Variants in WDR43 observed in about 807,000 individuals in gnomAD.
WDR43 encodes the protein WD repeat-containing protein 43.
A neutral mutation model predicts 91.4 loss-of-function variants in WDR43; 13 were observed. That is an observed-to-expected ratio of 0.14 (90% CI 0.09 to 0.23). The LOEUF (loss-of-function observed/expected upper bound fraction) is 0.23. Ranked by LOEUF, WDR43 falls within the 10% of genes least tolerant of loss-of-function variation. The pLI is 1.00. For synonymous variants in WDR43, 331 were observed against 287.9 expected (o/e 1.15, Z -1.51); for missense variants, 780 against 809.4 (o/e 0.96, Z 0.44).
rs530299453 is a variant in WDR43, at chr2:28,929,512, T to A, written c.1306-67T>A. On this transcript the variant is annotated intron_variant, in intron 10 of 17. Coordinates refer to ENST00000407426, the MANE Select transcript of WDR43 (RefSeq NM_015131.3). Reference sequence around the variant, plus strand: ...TCTATTTTATTTTATTTTATTTTATTTTTTTTGTCTCCAAACTACTTTAAG... The same window carrying A: ...TCTATTTTATTTTATTTTATTTTATATTTTTTGTCTCCAAACTACTTTAAG... The A allele has an allele frequency of 1.7e-5, 22 of 1,323,276 alleles. No individual in the cohort carries two copies. The Admixed American group carries it at 4.3e-4, about 26-fold the overall frequency. The allele number at this position is 1,323,276 out of a possible 1,614,324, so 82.0% of individuals were successfully genotyped here.
Position 28,920,224 on chromosome 2 carries a change from CT to C in WDR43, c.849+2248del, listed in dbSNP as rs751048652. Among the ~76,000 whole-genome samples the C allele has an allele frequency of 2.1e-3, 226 of 108,048 alleles. 1 individual carries two copies. The highest frequency in any genetic ancestry group is 2.7e-3 in the Non-Finnish European group (152 of 56,496). The allele number at this position is 108,048 out of a possible 152,430, so 70.9% of individuals were successfully genotyped here. A position where few individuals can be genotyped will look rare whatever the true frequency, so the allele number is the denominator to read the frequency against. On this transcript the variant is annotated intron_variant, in intron 6 of 17. Transcript: ENST00000407426. ...AAATAAAAATAAATTTTTTTTCTTT[CT>C]TTTTTTTTTTTTTTTTTTGAGACAG...
At chr2:28,933,854 A>ATG (rs1409961546) in intron 11 of WDR43, among the ~76,000 whole-genome samples, 2 of 152,218 alleles carry the variant, frequency 1.3e-5, no homozygotes, top group Non-Finnish European at 2.9e-5. Flanking sequence ...GTTGGTGAGG[A>ATG]TGTAGAGCAG....
intron 7 of WDR43, among the ~76,000 whole-genome samples, chr2:28,923,742 A>C (rs1034071836): frequency 2.0e-5 from 3 of 152,080 alleles, no homozygotes; most frequent in Non-Finnish European, 4.4e-5. Context: ...AACTGTTAAC[A>C]TTTTAGTGTG....
At chr2:28,900,836 A>G (rs36096924) in intron 1 of WDR43, among the ~76,000 whole-genome samples, 23,289 of 152,062 alleles carry the variant, frequency 0.15, 2,184 homozygotes, top group Middle Eastern at 0.26. Flanking sequence ...TTTTTTCTGT[A>G]AGTAGGTTAC....
At chr2:28,942,271 G>A in intron 15 of WDR43, 41 bp from the exon 16 acceptor site, 8 of 1,595,986 alleles carry the variant, frequency 5.0e-6, no homozygotes, top group African/African-American at 1.3e-5. Context: ...CTTGGGATAT[G>A]TTTACACTCT....
Position 28,906,488 on chromosome 2 carries a change from G to C in WDR43, c.392G>C (p.Cys131Ser), listed in dbSNP as rs1434901795. The C allele has an allele frequency of 1.9e-6, 3 of 1,579,602 alleles. No individual in the cohort carries two copies. The highest frequency in any genetic ancestry group is 2.6e-6 in the Non-Finnish European group (3 of 1,162,962). The change falls in exon 3 of 18, where the codon TGC becomes TCC. Residue 131 changes from cysteine to serine, a missense_variant. This residue lies in a region of WDR43 where 174 missense variants were observed against 207.3 expected (regional missense o/e 0.84). Coordinates refer to ENST00000407426, the MANE Select transcript of WDR43 (RefSeq NM_015131.3). ...GGTGGACATGACAACAGAGTCAACT[G>C]CATACAGTGGCATCAAGACAGTGGC... ...ISGGHDNRVN[C>S]IQWHQDSGCL... is the part of the protein sequence containing the mutation.
chr2:28,922,794 T>TGG, intron 6 of WDR43, 125 bp from the exon 7 acceptor site: 1 of 550,990 alleles, frequency 1.8e-6, no homozygotes, highest in Non-Finnish European at 2.8e-6. Context: ...GGATTCTTGC[T>TGG]GTGTTTTTTT....
At chr2:28,912,253 A>G (rs1440027901) in intron 3 of WDR43, among the ~76,000 whole-genome samples, 1 of 152,162 alleles carries the variant, frequency 6.6e-6, no homozygotes, top group Non-Finnish European at 1.5e-5. Flanking sequence ...TTTCCTGGAC[A>G]TTCGCAAAGT....
chr2:28,945,241 A>T (rs1253135026), intron 16 of WDR43, among the ~76,000 whole-genome samples: 1 of 152,232 alleles, frequency 6.6e-6, no homozygotes, highest in Non-Finnish European at 1.5e-5. Context: ...ATCTTAAAAA[A>T]ATAGGAATCC....
At chr2:28,919,796 GA>G (rs1262255618) in intron 6 of WDR43, among the ~76,000 whole-genome samples, 1 of 152,184 alleles carries the variant, frequency 6.6e-6, no homozygotes, top group African/African-American at 2.4e-5. Context: ...TGATCGTAGG[GA>G]ACTGATGAGA....
intron 7 of WDR43, 34 bp from the exon 8 acceptor site, chr2:28,924,948 A>G (rs779949865): frequency 6.9e-6 from 11 of 1,583,274 alleles, no homozygotes; most frequent in Admixed American, 5.6e-5. Context: ...CGTTTTTTCA[A>G]ATTCTTTAAT....
At chr2:28,945,489 T>C (rs1243554593) in intron 16 of WDR43, among the ~76,000 whole-genome samples, 3 of 152,242 alleles carry the variant, frequency 2.0e-5, no homozygotes, top group Non-Finnish European at 4.4e-5. Flanking sequence ...GTGAAGAGAC[T>C]GGGAAGTGTA....
chr2:28,895,447 G>C (rs2148174526), intron 1 of WDR43: 1 of 152,932 alleles, frequency 6.5e-6, no homozygotes, highest in Non-Finnish European at 1.5e-5. Context: ...CGTCCAGGTT[G>C]TGGGACTCTC....
chr2:28,943,134 ATCTTT>A (rs1216692216), intron 16 of WDR43, among the ~76,000 whole-genome samples: 7 of 152,136 alleles, frequency 4.6e-5, no homozygotes, highest in Admixed American at 6.5e-5. Flanking sequence ...CAAAGAACAA[ATCTTT>A]TCTTTTCTTT....
chr2:28,932,594 C>T (rs1189988131), intron 11 of WDR43, among the ~76,000 whole-genome samples: 1 of 152,106 alleles, frequency 6.6e-6, no homozygotes, highest in African/African-American at 2.4e-5. Flanking sequence ...AAAACGTTTT[C>T]CCCCTTCCCA....
chr2:28,923,710 A>T (rs1467860582), intron 7 of WDR43, among the ~76,000 whole-genome samples: 1 of 152,130 alleles, frequency 6.6e-6, no homozygotes. Context: ...GTCTCCCTCC[A>T]TTGAGTTCTG....
intron 4 of WDR43, chr2:28,913,677 G>T (rs757120884): frequency 5.7e-6 from 3 of 522,362 alleles, no homozygotes; most frequent in South Asian, 2.8e-5. Flanking sequence ...CTGTGATGAT[G>T]CCTTAATATT....
At chr2:28,924,029 A>G (rs1389689138) in intron 7 of WDR43, among the ~76,000 whole-genome samples, 2 of 152,172 alleles carry the variant, frequency 1.3e-5, no homozygotes, top group Non-Finnish European at 2.9e-5. Context: ...TAGGAGGAGT[A>G]AGTTGGAAAG....
chr2:28,901,325 G>C (rs114316728), intron 1 of WDR43, among the ~76,000 whole-genome samples: 6 of 152,210 alleles, frequency 3.9e-5, no homozygotes, highest in African/African-American at 1.4e-4. Flanking sequence ...TGAAATGAAA[G>C]AAGTCTTGTG....
Sources: gnomAD v4.1 joint callset for allele counts (sites outside exome capture counted in the v4.1 genomes callset) on GRCh38, gnomAD v4.1.1 for gene constraint, gnomAD v4.1.1 regional missense constraint, MANE v1.5 for transcripts, NCBI Gene and HGNC (gene_info 2026-07-23, HGNC 2026-07-21) for gene names.